The following MPZL2 variants were observed in gnomAD, a reference collection of about 807,000 sequenced individuals.
The protein encoded by MPZL2 is myelin protein zero-like protein 2.
MPZL2 carries 32 observed loss-of-function variants against 24.5 expected under a neutral mutation model. The ratio of observed to expected loss-of-function variants is 1.31; its 90% CI spans 0.99 to 1.76. The LOEUF is 1.76. Ranked by LOEUF, MPZL2 falls within the 40% of genes most tolerant of loss-of-function variation. The pLI is 0.00. For synonymous variants in MPZL2, 92 were observed against 97.9 expected (o/e 0.94, Z 0.36); for missense variants, 304 against 274.9 (o/e 1.11, Z -0.75).
intron 4 of MPZL2, 98 bp downstream of exon 4, chr11:118,259,956 A>G (rs976262576): frequency 1.4e-6 from 2 of 1,385,436 alleles, no homozygotes; most frequent in African/African-American, 2.9e-5. Context: ...GATTTACTTA[A>G]AGGGAAAAAC....
At chr11:118,262,700 G>C in intron 2 of MPZL2, 52 bp from the exon 3 acceptor site, 1 of 1,566,592 alleles carries the variant, frequency 6.4e-7, no homozygotes, top group Non-Finnish European at 8.8e-7. Context: ...CAGGCAAGGA[G>C]GCCAAGATGG....
At chr11:118,262,149 A>G (rs773753837) in intron 3 of MPZL2, among the ~76,000 whole-genome samples, 8 of 152,198 alleles carry the variant, frequency 5.3e-5, no homozygotes, top group Non-Finnish European at 1.2e-4. Context: ...TAAGCCTTTC[A>G]TCAAAGAATT....
Position 118,253,902 on chromosome 11 carries a change from T to G in MPZL2, c.*1344A>C, listed in dbSNP as rs1263921449. The G allele has an allele frequency of 1.3e-5, 2 of 152,586 alleles. No homozygotes were observed. Among genetic ancestry groups the G allele is most frequent in the African/African-American group, 2.4e-5 (1 of 41,448 alleles). 9.5% of individuals were successfully genotyped at this position (152,586 alleles called of 1,614,324 possible). A position where few individuals can be genotyped will look rare whatever the true frequency, so the allele number is the denominator to read the frequency against. On this transcript the variant is annotated 3_prime_UTR_variant, in exon 6 of 6. Transcript: ENST00000278937. Reference sequence around the variant, plus strand: ...TTGGAAAAATATCAAGGTCTATACATTTAAATACAGATAATCTGTTTGAAA... The same window carrying G: ...TTGGAAAAATATCAAGGTCTATACAGTTAAATACAGATAATCTGTTTGAAA...
chr11:118,256,532 C>T (rs903218580), intron 5 of MPZL2, among the ~76,000 whole-genome samples: 30 of 151,998 alleles, frequency 2.0e-4, no homozygotes, highest in Non-Finnish European at 4.0e-4. Context: ...CACCTGTGGT[C>T]CCAGCTACTT....
intron 2 of MPZL2, 45 bp from the exon 3 acceptor site, chr11:118,262,693 G>T (rs571849749): frequency 1.3e-6 from 2 of 1,579,978 alleles, no homozygotes; most frequent in South Asian, 1.1e-5. Flanking sequence ...CAGCACCCAG[G>T]CAAGGAGGCC....
intron 3 of MPZL2, among the ~76,000 whole-genome samples, 175 bp from the exon 4 acceptor site, chr11:118,260,376 A>G (rs1286826918): frequency 6.6e-6 from 1 of 152,252 alleles, no homozygotes; most frequent in Admixed American, 6.5e-5. Flanking sequence ...AACCATACAC[A>G]TACTTTAATG....
rs925523642 is a variant in MPZL2, at chr11:118,253,600, A to C, written c.*1646T>G. 2.0e-5 allele frequency: 3 copies of C among 152,182 alleles called. No homozygotes were observed. The highest frequency in any genetic ancestry group is 2.9e-5 in the Non-Finnish European group (2 of 68,006). 9.4% of individuals were successfully genotyped at this position (152,182 alleles called of 1,614,324 possible). A position where few individuals can be genotyped will look rare whatever the true frequency, so the allele number is the denominator to read the frequency against. On this transcript the variant is annotated 3_prime_UTR_variant, in exon 6 of 6. Transcript: ENST00000278937. ...ATTTTGCCGGAAAAACTGTCCATAC[A>C]TTTTTAACTACTTCTTCATTATTCT...
chr11:118,259,944 A>G (rs1949687949), intron 4 of MPZL2, 110 bp downstream of exon 4: 5 of 1,263,484 alleles, frequency 4.0e-6, no homozygotes, highest in African/African-American at 3.0e-5. Flanking sequence ...TCTTTTATAT[A>G]GGATTTACTT....
At chr11:118,261,674 A>T (rs1485147149) in intron 3 of MPZL2, among the ~76,000 whole-genome samples, 3 of 152,202 alleles carry the variant, frequency 2.0e-5, no homozygotes, top group African/African-American at 7.2e-5. Flanking sequence ...TCAAACCCAG[A>T]TCTACAATTC....
chr11:118,258,241 A>T (rs1949675384), intron 4 of MPZL2, among the ~76,000 whole-genome samples: 2 of 152,220 alleles, frequency 1.3e-5, no homozygotes, highest in Non-Finnish European at 2.9e-5. Context: ...GGTTTTTTAG[A>T]TGAGACACAA....
chr11:118,264,024 TA>T, intron 1 of MPZL2, 71 bp downstream of exon 1: 1 of 1,493,546 alleles, frequency 6.7e-7, no homozygotes, highest in South Asian at 1.1e-5. Context: ...TTGCAACTTC[TA>T]AGACAATTAG....
intron 3 of MPZL2, among the ~76,000 whole-genome samples, chr11:118,261,801 T>C (rs558321491): frequency 3.9e-5 from 6 of 152,332 alleles, no homozygotes; most frequent in Admixed American, 3.9e-4. Flanking sequence ...TCAAAGTTGA[T>C]TGGGTTTGAG....
At chr11:118,262,787 C>T in intron 2 of MPZL2, 139 bp from the exon 3 acceptor site, 1 of 1,344,676 alleles carries the variant, frequency 7.4e-7, no homozygotes, top group Non-Finnish European at 1.0e-6. Flanking sequence ...CTTCAACGGC[C>T]TCTCAGTCTC....
chr11:118,261,388 C>A (rs926604609), intron 3 of MPZL2, among the ~76,000 whole-genome samples: 12 of 152,210 alleles, frequency 7.9e-5, no homozygotes, highest in Admixed American at 2.6e-4. Context: ...TAATTAACTT[C>A]TTTGAGCCTC....
At chr11:118,257,537 G>C (rs1949669272) in intron 4 of MPZL2, 1 of 390,954 alleles carries the variant, frequency 2.6e-6, no homozygotes, top group Non-Finnish European at 4.5e-6. Context: ...ATACAGTTTG[G>C]GTTCTGATTC....
In MPZL2 at chr11:118,259,011, T is replaced by TAAA. The variant is rs142437720; in HGVS notation, c.584+1042_584+1043insTTT. On this transcript the variant is annotated intron_variant, in intron 4 of 5. Transcript: ENST00000278937. ...AGAATGGCCTAATACACGGTTATGA[T>TAAA]TAAAAAAAAAAAAGACAATGAGTGT... is the stretch of plus-strand genomic sequence containing the variant. 8.9e-5 allele frequency among the ~76,000 whole-genome samples: 11 copies of TAAA among 124,126 alleles called. 4 individuals carry two copies. The highest frequency in any genetic ancestry group is 9.3e-5 in the Non-Finnish European group (6 of 64,412). The allele number at this position is 124,126 out of a possible 152,430, so 81.4% of individuals were successfully genotyped here. A position where few individuals can be genotyped will look rare whatever the true frequency, so the allele number is the denominator to read the frequency against.
At position 118,262,988 on chromosome 11, in the gene MPZL2, A is replaced by G. The variant is rs2134734969; in HGVS notation, c.168T>C (p.Gly56=). The change falls in exon 2 of 6, where the codon GGT becomes GGC. Residue 56 remains glycine, a synonymous_variant. Coordinates refer to ENST00000278937, the MANE Select transcript of MPZL2 (RefSeq NM_005797.4). ...AATTCCAGGTCACTGTTAGAGCATC[A>G]CCCACAGGGGCAAAGCTGGAGAAAG... ...KCTFSSFAPV[G]DALTVTWNFR... is the part of the protein sequence containing the mutation. 1 of 1,614,156 alleles carries G rather than the reference A, an allele frequency of 6.2e-7. No homozygotes were observed. The highest frequency in any genetic ancestry group is 8.5e-7 in the Non-Finnish European group (1 of 1,180,018).
At chr11:118,258,197 C>G (rs973441333) in intron 4 of MPZL2, among the ~76,000 whole-genome samples, 1 of 151,982 alleles carries the variant, frequency 6.6e-6, no homozygotes, top group African/African-American at 2.4e-5. Context: ...GAAAACATAG[C>G]CATAAATCTT....
At chr11:118,264,017 C>G in intron 1 of MPZL2, 79 bp downstream of exon 1, 1 of 1,460,184 alleles carries the variant, frequency 6.8e-7, no homozygotes, top group Non-Finnish European at 9.6e-7. Flanking sequence ...AAAAGTCTTG[C>G]AACTTCTAAG....
Sources: gnomAD v4.1 joint callset for allele counts (sites outside exome capture counted in the v4.1 genomes callset) on GRCh38, gnomAD v4.1.1 for gene constraint, MANE v1.5 for transcripts, NCBI Gene and HGNC (gene_info 2026-07-23, HGNC 2026-07-21) for gene names.